FRAS1: variants seen among roughly 807,000 people sequenced by gnomAD.
The protein encoded by FRAS1 is Fraser extracellular matrix complex subunit 1, also known as extracellular matrix organizing protein FRAS1.
In FRAS1, 290 loss-of-function variants were observed where a neutral mutation model predicts 435.2. That is an observed-to-expected ratio of 0.67 (90% CI 0.61 to 0.73). FRAS1 has a LOEUF of 0.73. Among genes scored for constraint, FRAS1 ranks in the 30% least tolerant of loss-of-function variants. FRAS1 has a pLI of 0.00. For synonymous variants in FRAS1, 1,800 were observed against 1,851.0 expected, an observed-to-expected ratio of 0.97 and a Z score of 0.71; for missense variants, 4,860 against 5,001.5, an observed-to-expected ratio of 0.97 and a Z score of 0.85.
At chr4:78,309,114 T>TA (rs897413391) in intron 15 of FRAS1, among the ~76,000 whole-genome samples, 8 of 152,090 alleles carry the variant, frequency 5.3e-5, no homozygotes, top group Non-Finnish European at 8.8e-5. Context: ...GTCGGAGTGA[T>TA]AGAGTGAAGC....
intron 14 of FRAS1, among the ~76,000 whole-genome samples, chr4:78,294,099 G>A (rs573090239): frequency 9.2e-5 from 14 of 152,158 alleles, no homozygotes; most frequent in South Asian, 2.1e-4. Flanking sequence ...TATGGCATAC[G>A]TTCTTTCTCT....
At chr4:78,521,453 A>C in intron 67 of FRAS1, 70 bp from the exon 68 acceptor site, 1 of 954,686 alleles carries the variant, frequency 1.0e-6, no homozygotes, top group Non-Finnish European at 1.7e-6. Context: ...CCTTGGGATA[A>C]CTTATATGTG....
intron 22 of FRAS1, among the ~76,000 whole-genome samples, chr4:78,365,408 A>T (rs1287639504): frequency 6.6e-6 from 1 of 152,214 alleles, no homozygotes; most frequent in Non-Finnish European, 1.5e-5. Flanking sequence ...CAGGAGCAAG[A>T]GAGTGCTGGT....
At chr4:78,333,593 A>G (rs1282777801) in intron 19 of FRAS1, among the ~76,000 whole-genome samples, 181 bp downstream of exon 19, 2 of 152,254 alleles carry the variant, frequency 1.3e-5, no homozygotes, top group African/African-American at 2.4e-5. Context: ...TAGCTCTTCC[A>G]GTAAGGAAGC....
intron 18 of FRAS1, among the ~76,000 whole-genome samples, chr4:78,326,815 G>A (rs1333935645): frequency 6.6e-6 from 1 of 152,096 alleles, no homozygotes; most frequent in Non-Finnish European, 1.5e-5. Context: ...TTCAAAGACA[G>A]AAGAAGTAGA....
chr4:78,171,893 C>G (rs1009149015), intron 2 of FRAS1, among the ~76,000 whole-genome samples: 1 of 152,036 alleles, frequency 6.6e-6, no homozygotes, highest in Admixed American at 6.6e-5. Context: ...TCATGCAGCC[C>G]CATCCCATCT....
chr4:78,191,531 T>A (rs897085310), intron 2 of FRAS1, among the ~76,000 whole-genome samples: 15 of 35,456 alleles, frequency 4.2e-4, no homozygotes, highest in Non-Finnish European at 7.6e-4. Context: ...TTTGTATTAT[T>A]TTCTTTTTTT....
Position 78,282,976 on chromosome 4 carries a change from A to G in FRAS1, c.1255+9A>G, listed in dbSNP as rs765445674. On this transcript the variant is annotated intron_variant, in intron 12 of 73. Coordinates refer to ENST00000512123, the MANE Select transcript of FRAS1 (RefSeq NM_025074.7). Reference sequence around the variant, plus strand: ...TCCAGACTGCACATCAGGTGGGTCCATGTCTCCTCTGTTTCTACTGAGATA... The same window carrying G: ...TCCAGACTGCACATCAGGTGGGTCCGTGTCTCCTCTGTTTCTACTGAGATA... 24 of 1,477,426 alleles carry G rather than the reference A, an allele frequency of 1.6e-5. No homozygotes were observed. Among genetic ancestry groups the G allele is most frequent in the Non-Finnish European group, 2.2e-5 (24 of 1,115,354 alleles). 91.5% of individuals were successfully genotyped at this position (1,477,426 alleles called of 1,614,324 possible). A position where few individuals can be genotyped will look rare whatever the true frequency, so the allele number is the denominator to read the frequency against.
chr4:78,489,575 C>T (rs888468351), intron 59 of FRAS1, among the ~76,000 whole-genome samples: 2 of 152,128 alleles, frequency 1.3e-5, no homozygotes, highest in African/African-American at 4.8e-5. Context: ...CTGTGTCATT[C>T]AAGGGTTATC....
chr4:78,303,832 T>G (rs1200136750), intron 14 of FRAS1, among the ~76,000 whole-genome samples: 2 of 149,952 alleles, frequency 1.3e-5, no homozygotes, highest in East Asian at 2.0e-4. Context: ...CTTTTCCTAA[T>G]TGAATACCCT....
intron 2 of FRAS1, among the ~76,000 whole-genome samples, chr4:78,226,514 A>AG (rs564276937): frequency 4.6e-4 from 69 of 150,736 alleles, no homozygotes; most frequent in African/African-American, 1.6e-3. Context: ...TTGTCTTCTG[A>AG]GTTCCATCTT....
chr4:78,097,500 A>G (rs1033694277), intron 2 of FRAS1, among the ~76,000 whole-genome samples: 2 of 152,222 alleles, frequency 1.3e-5, no homozygotes, highest in African/African-American at 4.8e-5. Flanking sequence ...GAGGTTTAAG[A>G]CATTCACAGT....
Position 78,197,004 on chromosome 4 carries a change from A to T in FRAS1, c.109-40506A>T, listed in dbSNP as rs764678178. On this transcript the variant is annotated intron_variant, in intron 2 of 73. Transcript: ENST00000512123. ...TGGAGGGGAGATTGGGACAAAGTAG[A>T]ACAGAAATATGGGTGAGATTACAGG... is the stretch of plus-strand genomic sequence containing the variant. Among the ~76,000 whole-genome samples, 6 of 152,242 alleles carry T rather than the reference A, an allele frequency of 3.9e-5. 1 individual carries two copies. Among genetic ancestry groups the T allele is most frequent in the Admixed American group, 1.3e-4 (2 of 15,288 alleles).
intron 59 of FRAS1, among the ~76,000 whole-genome samples, chr4:78,490,884 G>A (rs914765432): frequency 3.3e-5 from 5 of 151,012 alleles, no homozygotes; most frequent in Non-Finnish European, 7.4e-5. Flanking sequence ...TTTTTTTAAA[G>A]ATTAACCAAA....
rs1053625308 is a variant in FRAS1, at chr4:78,253,186, G to A, written c.469+635G>A. On this transcript the variant is annotated intron_variant, in intron 5 of 73. Transcript: ENST00000512123. ...TCAGCGATATCTCTCTTACTTGCAC[G>A]TCCATTTATAGGCTGTCTGCAAGAA... Among the ~76,000 whole-genome samples, 4 of 152,064 alleles carry A rather than the reference G, an allele frequency of 2.6e-5. No homozygotes were observed. The East Asian group carries it at 5.8e-4, about 22-fold the overall frequency.
chr4:78,490,045 T>C (rs1323321299), intron 59 of FRAS1, among the ~76,000 whole-genome samples: 1 of 141,996 alleles, frequency 7.0e-6, no homozygotes, highest in African/African-American at 2.6e-5. Flanking sequence ...CCAGCAAAGA[T>C]CAGAGAAGAC....
intron 18 of FRAS1, among the ~76,000 whole-genome samples, chr4:78,322,350 T>C (rs1729542737): frequency 6.6e-6 from 1 of 152,206 alleles, no homozygotes; most frequent in Non-Finnish European, 1.5e-5. Context: ...CTGCAGAATG[T>C]TAAAAAGGTT....
Position 78,318,802 on chromosome 4 carries a change from A to G in FRAS1, c.1961-8A>G. On this transcript the variant is annotated splice_region_variant and splice_polypyrimidine_tract_variant and intron_variant, in intron 17 of 73. Transcript: ENST00000512123. ...GGATTATTTTCTGCATTTTATTTCC[A>G]TTTGCAGCCTGTCACTCCTCCTGCC... The G allele has an allele frequency of 6.4e-7, 1 of 1,553,796 alleles. No individual in the cohort carries two copies. Among genetic ancestry groups the G allele is most frequent in the Non-Finnish European group, 8.7e-7 (1 of 1,147,390 alleles).
intron 33 of FRAS1, among the ~76,000 whole-genome samples, chr4:78,420,906 ATATATATATATATATT>A (rs1425188163): frequency 2.4e-5 from 3 of 125,978 alleles, no homozygotes; most frequent in African/African-American, 1.1e-4. Context: ...ATATATATAT[ATATATATATATATATT>A]TATATAAAGG....
Sources: allele counts gnomAD v4.1 joint callset (sites outside exome capture counted in the v4.1 genomes callset), GRCh38; gene constraint gnomAD v4.1.1; transcripts MANE v1.5; gene names NCBI Gene and HGNC (gene_info 2026-07-23, HGNC 2026-07-21).